MACROD2: variants seen among roughly 807,000 people sequenced by gnomAD.
MACROD2 encodes ADP-ribose glycohydrolase MACROD2.
MACROD2 carries 36 observed loss-of-function variants against 70.4 expected under a neutral mutation model. That is an observed-to-expected ratio of 0.51 (90% CI 0.39 to 0.68). MACROD2 has a LOEUF of 0.68. MACROD2 is among the 30% of genes least tolerant of loss of function. The probability of loss-of-function intolerance (pLI) is 0.00; values close to 1 mark genes in which losing one functional copy is unlikely to be tolerated. For synonymous variants in MACROD2, 172 were observed against 178.8 expected, an observed-to-expected ratio of 0.96 and a Z score of 0.30; for missense variants, 496 against 538.4, an observed-to-expected ratio of 0.92 and a Z score of 0.78.
At chr20:14,103,095 A>G (rs2054320424) in intron 3 of MACROD2, among the ~76,000 whole-genome samples, 1 of 149,642 alleles carries the variant, frequency 6.7e-6, no homozygotes, top group African/African-American at 2.5e-5. Flanking sequence ...TCTGATCTAT[A>G]TTTTTTTTTT....
chr20:14,411,734 C>T (rs1446941994), intron 3 of MACROD2, among the ~76,000 whole-genome samples: 4 of 151,968 alleles, frequency 2.6e-5, no homozygotes, highest in Non-Finnish European at 4.4e-5. Flanking sequence ...CTTCTCAGTT[C>T]AAGCTGCCCC....
chr20:15,087,469 G>T (rs369475591), intron 5 of MACROD2, among the ~76,000 whole-genome samples: 5 of 152,120 alleles, frequency 3.3e-5, no homozygotes, highest in African/African-American at 1.2e-4. Flanking sequence ...ATTAACTGTG[G>T]TAAGAATGTT....
chr20:14,124,609 A>G (rs1230568719), intron 3 of MACROD2, among the ~76,000 whole-genome samples: 2 of 152,128 alleles, frequency 1.3e-5, no homozygotes, highest in African/African-American at 4.8e-5. Flanking sequence ...CAGGATGGCT[A>G]TGATTAAAAA....
chr20:14,598,525 A>G (rs1021416040), intron 4 of MACROD2, among the ~76,000 whole-genome samples: 2 of 152,200 alleles, frequency 1.3e-5, no homozygotes, highest in Non-Finnish European at 2.9e-5. Context: ...TGCCCCGTGC[A>G]TAAGTATATC....
At chr20:15,910,394 A>ATGTGTGTGTG (rs3072220) in intron 10 of MACROD2, among the ~76,000 whole-genome samples, 175 of 146,436 alleles carry the variant, frequency 1.2e-3, no homozygotes, top group African/African-American at 4.0e-3. Context: ...GTCAGAGGAC[A>ATGTGTGTGTG]TGTGTGTGTG....
At chr20:16,013,922 T>C (rs1568709336) in intron 15 of MACROD2, among the ~76,000 whole-genome samples, 1 of 152,216 alleles carries the variant, frequency 6.6e-6, no homozygotes, top group African/African-American at 2.4e-5. Flanking sequence ...AATGGAGCAC[T>C]GTATTGAATA....
At chr20:14,829,407 A>G (rs1321205416) in intron 5 of MACROD2, among the ~76,000 whole-genome samples, 2 of 151,594 alleles carry the variant, frequency 1.3e-5, no homozygotes, top group Non-Finnish European at 2.9e-5. Flanking sequence ...TGGGAGAACT[A>G]TTTTTTAAAG....
intron 5 of MACROD2, among the ~76,000 whole-genome samples, chr20:15,004,795 G>A (rs75119008): frequency 0.032 from 4,885 of 152,256 alleles, 113 homozygotes; most frequent in Middle Eastern, 0.095. Flanking sequence ...CAACTTATTT[G>A]TCAATTTAGG....
intron 5 of MACROD2, among the ~76,000 whole-genome samples, chr20:14,726,733 G>A (rs1406672639): frequency 6.6e-6 from 1 of 152,240 alleles, no homozygotes; most frequent in South Asian, 2.1e-4. Context: ...TCATAAGTAC[G>A]AAAGTAGGGA....
At chr20:14,830,708 G>A (rs1224040174) in intron 5 of MACROD2, among the ~76,000 whole-genome samples, 2 of 152,098 alleles carry the variant, frequency 1.3e-5, no homozygotes, top group Admixed American at 1.3e-4. Context: ...GAATTACTAG[G>A]CAGATGCATA....
At position 14,334,622 on chromosome 20, in the gene MACROD2, G is replaced by T. The variant is rs557080762; in HGVS notation, c.272-158857G>T. Among the ~76,000 whole-genome samples the T allele has an allele frequency of 5.7e-5, 8 of 141,536 alleles. No individual in the cohort carries two copies. In the South Asian group the frequency reaches 1.5e-3, roughly 27 times the overall value. 92.9% of individuals were successfully genotyped at this position (141,536 alleles called of 152,430 possible). ...TGGTTTAATTACAACAAAGCCTCCC[G>T]TTGAGAAGAACAGTGAAGGCCTCTG... On this transcript the variant is annotated intron_variant, in intron 3 of 17. Transcript: ENST00000684519.
chr20:15,708,091 G>T (rs2050563960), intron 8 of MACROD2, among the ~76,000 whole-genome samples: 1 of 151,918 alleles, frequency 6.6e-6, no homozygotes, highest in Admixed American at 6.6e-5. Flanking sequence ...AAGAGGCATT[G>T]TAATAGTATT....
At chr20:14,637,834 T>C (rs1416022301) in intron 4 of MACROD2, among the ~76,000 whole-genome samples, 1 of 152,184 alleles carries the variant, frequency 6.6e-6, no homozygotes, top group African/African-American at 2.4e-5. Flanking sequence ...CAAGTAGAGA[T>C]TGCAATCTCC....
intron 3 of MACROD2, among the ~76,000 whole-genome samples, chr20:14,469,973 G>A (rs889423726): frequency 6.6e-6 from 1 of 151,972 alleles, no homozygotes; most frequent in African/African-American, 2.4e-5. Flanking sequence ...TTCCCTTGCT[G>A]GTGAGGAGTT....
chr20:15,845,453 C>T lies in MACROD2; in HGVS notation c.646-17292C>T, dbSNP rs116724593. Among the ~76,000 whole-genome samples, 1,098 of 152,126 alleles carry T rather than the reference C, an allele frequency of 7.2e-3. 18 individuals carry two copies. The highest frequency in any genetic ancestry group is 0.025 in the African/African-American group (1,020 of 41,498). On this transcript the variant is annotated intron_variant, in intron 8 of 17. Transcript: ENST00000684519. ...TTGGGCAGGATGAAGATGTAGAAGA[C>T]GTAGTGCCTTTCTCTACTGGGTTCA...
intron 8 of MACROD2, among the ~76,000 whole-genome samples, chr20:15,785,129 G>T (rs1422469758): frequency 1.4e-5 from 2 of 147,664 alleles, no homozygotes; most frequent in African/African-American, 5.1e-5. Flanking sequence ...TCCAGCCTGG[G>T]TGACAGAGCG....
intron 3 of MACROD2, among the ~76,000 whole-genome samples, chr20:14,184,811 G>A (rs1241154733): frequency 6.6e-6 from 1 of 152,084 alleles, no homozygotes; most frequent in African/African-American, 2.4e-5. Context: ...TTGCATTCTT[G>A]ATTTGGCTCT....
chr20:14,700,251 A>G (rs1333995216), intron 5 of MACROD2, among the ~76,000 whole-genome samples: 1 of 152,074 alleles, frequency 6.6e-6, no homozygotes. Context: ...AGTCTGGGGA[A>G]AACTCATTTT....
intron 5 of MACROD2, among the ~76,000 whole-genome samples, chr20:14,768,986 G>A (rs1265244610): frequency 6.6e-6 from 1 of 152,090 alleles, no homozygotes; most frequent in East Asian, 1.9e-4. Context: ...TTGAGACCAG[G>A]AGACAGAGTT....
Sources: allele counts gnomAD v4.1 joint callset (sites outside exome capture counted in the v4.1 genomes callset), GRCh38; gene constraint gnomAD v4.1.1; transcripts MANE v1.5; gene names NCBI Gene and HGNC (gene_info 2026-07-23, HGNC 2026-07-21).